Variants in PDZD2 observed in about 807,000 individuals in gnomAD.
PDZD2 encodes PDZ domain-containing protein 2.
In PDZD2, 90 loss-of-function variants were observed where a neutral mutation model predicts 220.7. The observed-to-expected ratio is 0.41, with a 90% confidence interval of 0.34 to 0.49. The LOEUF (loss-of-function observed/expected upper bound fraction) is 0.49. PDZD2 is among the 20% of genes least tolerant of loss of function. The pLI is 0.28. For synonymous variants in PDZD2, 1,375 were observed against 1,450.5 expected, an observed-to-expected ratio of 0.95 and a Z score of 1.18; for missense variants, 3,174 against 3,608.5, an observed-to-expected ratio of 0.88 and a Z score of 3.08.
At chr5:32,082,047 A>T (rs1742015057) in intron 19 of PDZD2, among the ~76,000 whole-genome samples, 1 of 132,932 alleles carries the variant, frequency 7.5e-6, no homozygotes. Context: ...TTTGAGACAG[A>T]GTCTCCCTCT....
chr5:31,918,569 G>C (rs4867397), intron 2 of PDZD2, among the ~76,000 whole-genome samples: 1 of 152,032 alleles, frequency 6.6e-6, no homozygotes, highest in East Asian at 1.9e-4. Flanking sequence ...TTCTTTTTAA[G>C]TAGTATGGTT....
In PDZD2 at chr5:32,091,170, A is replaced by T; in HGVS notation, c.7722A>T (p.Ser2574=). 6.4e-7 allele frequency: 1 copy of T among 1,551,128 alleles called. No individual in the cohort carries two copies. The stretch of plus-strand genomic sequence containing the variant: ...ATCTGCCTTTTAGAAGAAGCTGGTC[A>T]GTTAAGTAAGTATCTGCCCACTACT... ...AQDLPFRRSW[S]VNLDQLLVSA... Residue 2574 remains serine (S), a synonymous_variant, in exon 20 of 25, where the codon TCA becomes TCT. Coordinates refer to ENST00000438447, the MANE Select transcript of PDZD2 (RefSeq NM_178140.4).
chr5:31,729,466 G>C (rs1359537074), intron 1 of PDZD2, among the ~76,000 whole-genome samples: 2 of 152,198 alleles, frequency 1.3e-5, no homozygotes, highest in Non-Finnish European at 2.9e-5. Context: ...CCACTTTACA[G>C]ATGGAAAAGT....
At chr5:32,019,717 A>G (rs1389215768) in intron 6 of PDZD2, among the ~76,000 whole-genome samples, 1 of 152,234 alleles carries the variant, frequency 6.6e-6, no homozygotes, top group Admixed American at 6.5e-5. Flanking sequence ...CAACTTTATT[A>G]TCGTTCTTTG....
chr5:31,645,738 G>A (rs975708659), intron 1 of PDZD2, among the ~76,000 whole-genome samples: 1 of 152,064 alleles, frequency 6.6e-6, no homozygotes, highest in East Asian at 1.9e-4. Flanking sequence ...CCTGGCCTCA[G>A]GACAGCCATC....
At chr5:31,852,442 C>T (rs1411849138) in intron 2 of PDZD2, among the ~76,000 whole-genome samples, 5 of 151,702 alleles carry the variant, frequency 3.3e-5, no homozygotes, top group Admixed American at 1.3e-4. Context: ...CGTGCCATCA[C>T]GCCTGGCTGA....
chr5:31,818,226 C>G (rs1174705339), intron 2 of PDZD2, among the ~76,000 whole-genome samples: 1 of 152,108 alleles, frequency 6.6e-6, no homozygotes, highest in Non-Finnish European at 1.5e-5. Context: ...CCTTCCTCAG[C>G]CTTCCAAAGT....
intron 18 of PDZD2, among the ~76,000 whole-genome samples, chr5:32,076,288 G>GAAAAAAAAAAAAAAAAAAA (rs67898034): frequency 1.1e-5 from 1 of 87,932 alleles, no homozygotes; most frequent in African/African-American, 4.4e-5. Context: ...TCGGTCTCAA[G>GAAAAAAAAAAAAAAAAAAA]AAAAAAAAAA....
intron 1 of PDZD2, among the ~76,000 whole-genome samples, chr5:31,723,746 C>G (rs1228263132): frequency 2.6e-5 from 4 of 152,010 alleles, no homozygotes; most frequent in African/African-American, 9.7e-5. Context: ...GCCTCCCGAG[C>G]AGCTGGGATT....
chr5:32,008,088 GAGACC>G (rs146522836), intron 5 of PDZD2, among the ~76,000 whole-genome samples: 10,345 of 151,632 alleles, frequency 0.068, 390 homozygotes, highest in East Asian at 0.11. Context: ...CCAGGAGTTC[GAGACC>G]AGCCTGGTCA....
At chr5:31,995,948 GGA>G (rs1561294000) in intron 4 of PDZD2, among the ~76,000 whole-genome samples, 2 of 152,216 alleles carry the variant, frequency 1.3e-5, no homozygotes, top group African/African-American at 4.8e-5. Context: ...TCTAAAACAA[GGA>G]GAGAGTGGAT....
chr5:31,669,633 G>A (rs925177625), intron 1 of PDZD2, among the ~76,000 whole-genome samples: 1 of 152,108 alleles, frequency 6.6e-6, no homozygotes, highest in Non-Finnish European at 1.5e-5. Context: ...TAGATTGAAT[G>A]GCTTTCCAAA....
At chr5:31,817,921 C>T (rs989532022) in intron 2 of PDZD2, among the ~76,000 whole-genome samples, 1 of 151,488 alleles carries the variant, frequency 6.6e-6, no homozygotes, top group Non-Finnish European at 1.5e-5. Context: ...GCCTTGGCCT[C>T]CCGAAGTACT....
chr5:32,050,059 T>C (rs1738372501), intron 8 of PDZD2, among the ~76,000 whole-genome samples: 2 of 152,220 alleles, frequency 1.3e-5, no homozygotes, highest in Non-Finnish European at 2.9e-5. Context: ...GCCTCTCAAG[T>C]ACCTGGGATT....
At chr5:31,733,101 G>A (rs907889656) in intron 1 of PDZD2, among the ~76,000 whole-genome samples, 1 of 152,142 alleles carries the variant, frequency 6.6e-6, no homozygotes, top group Non-Finnish European at 1.5e-5. Flanking sequence ...TCACAATATA[G>A]TACAAGCCGT....
intron 2 of PDZD2, among the ~76,000 whole-genome samples, chr5:31,950,075 A>G (rs1020390083): frequency 6.6e-6 from 1 of 152,196 alleles, no homozygotes; most frequent in African/African-American, 2.4e-5. Context: ...TGATGTGGAC[A>G]GTTGACTTCT....
At chr5:31,647,616 A>T (rs1459107402) in intron 1 of PDZD2, among the ~76,000 whole-genome samples, 1 of 152,118 alleles carries the variant, frequency 6.6e-6, no homozygotes, top group Non-Finnish European at 1.5e-5. Context: ...TCTTGTCTGC[A>T]TGTCTCTACT....
At chr5:31,885,267 A>G (rs1421144812) in intron 2 of PDZD2, among the ~76,000 whole-genome samples, 1 of 151,772 alleles carries the variant, frequency 6.6e-6, no homozygotes, top group Non-Finnish European at 1.5e-5. Flanking sequence ...TTTACTATCC[A>G]ATTTAGACAA....
chr5:31,683,245 G>A (rs1012507097), intron 1 of PDZD2, among the ~76,000 whole-genome samples: 2 of 148,170 alleles, frequency 1.3e-5, no homozygotes, highest in East Asian at 2.0e-4. Context: ...AAAAGAAAAC[G>A]AATTAGAAAA....
Sources: allele counts gnomAD v4.1 joint callset (sites outside exome capture counted in the v4.1 genomes callset), GRCh38; gene constraint gnomAD v4.1.1; transcripts MANE v1.5; gene names NCBI Gene and HGNC (gene_info 2026-07-23, HGNC 2026-07-21).